The following EML6 variants were observed in gnomAD, a reference collection of about 807,000 sequenced individuals.
EML6 encodes the protein EMAP like 6, also known as echinoderm microtubule-associated protein-like 6.
A neutral mutation model predicts 240.1 loss-of-function variants in EML6; 154 were observed. That is an observed-to-expected ratio of 0.64 (90% CI 0.56 to 0.73). The LOEUF is 0.73. Among genes scored for constraint, EML6 ranks in the 30% least tolerant of loss-of-function variants. The pLI, the probability that EML6 is intolerant of heterozygous loss-of-function variation, is 0.00. For synonymous variants in EML6, 1,148 were observed against 899.0 expected (o/e 1.28, Z -4.95); for missense variants, 2,964 against 2,474.6 (o/e 1.20, Z -4.20).
At chr2:54,918,580 C>T (rs573274812) in intron 26 of EML6, among the ~76,000 whole-genome samples, 7 of 152,234 alleles carry the variant, frequency 4.6e-5, no homozygotes, top group African/African-American at 1.7e-4. Context: ...CTCTTGGACT[C>T]AAACAATCCT....
In EML6 at chr2:54,871,523, T is replaced by A. The variant is rs1283378301; in HGVS notation, c.2262T>A (p.His754Gln). Residue 754 changes from histidine to glutamine, a missense_variant, in exon 16 of 42, where the codon CAT becomes CAA. Physicochemically the swap from His to Gln is conservative, Grantham distance 24 (BLOSUM62 0). Transcript: ENST00000356458. Reference protein sequence around the residue: ...TGQVGRDAAIHVWDTQTLKCL... With the variant: ...TGQVGRDAAIQVWDTQTLKCL... ...AGGTTGGAAGAGATGCTGCTATTCA[T>A]GTGTGGGACACACAAACTCTAAAAT... 6.4e-7 allele frequency: 1 copy of A among 1,551,756 alleles called. No individual in the cohort carries two copies. Among genetic ancestry groups the A allele is most frequent in the Admixed American group, 2.0e-5 (1 of 51,016 alleles).
chr2:54,969,145 G>A (rs142728895), intron 41 of EML6, among the ~76,000 whole-genome samples: 1 of 152,212 alleles, frequency 6.6e-6, no homozygotes, highest in African/African-American at 2.4e-5. Context: ...TCATCTATAT[G>A]TCCTTTTAAG....
intron 26 of EML6, among the ~76,000 whole-genome samples, chr2:54,917,373 T>TTTTTTTTTTG (rs1558684013): frequency 6.2e-5 from 9 of 145,096 alleles, no homozygotes; most frequent in Non-Finnish European, 7.6e-5. Context: ...TTTTTTTTTT[T>TTTTTTTTTTG]TTGTTTTTTG....
intron 28 of EML6, among the ~76,000 whole-genome samples, chr2:54,929,207 G>C (rs1387504674): frequency 6.6e-6 from 1 of 152,186 alleles, no homozygotes; most frequent in African/African-American, 2.4e-5. Flanking sequence ...TTCACTTGGT[G>C]TATCTTCTCT....
At chr2:54,749,381 T>A (rs1468968125) in intron 2 of EML6, among the ~76,000 whole-genome samples, 1 of 152,132 alleles carries the variant, frequency 6.6e-6, no homozygotes, top group East Asian at 1.9e-4. Flanking sequence ...TTCAAATATC[T>A]TGGGCTTGAT....
intron 2 of EML6, among the ~76,000 whole-genome samples, chr2:54,729,800 G>C (rs1683074662): frequency 6.6e-6 from 1 of 152,196 alleles, no homozygotes; most frequent in Non-Finnish European, 1.5e-5. Context: ...AAGAATATTT[G>C]AAGTAGATCA....
In EML6 at chr2:54,892,427, G is replaced by C. The variant is rs761563111; in HGVS notation, c.2540-27G>C. 6.6e-6 allele frequency: 10 copies of C among 1,504,918 alleles called. No individual in the cohort carries two copies. The South Asian group carries it at 1.1e-4, about 16-fold the overall frequency. The allele number at this position is 1,504,918 out of a possible 1,614,324, so 93.2% of individuals were successfully genotyped here. Reference sequence around the variant, plus strand: ...TATAGGAAGTGCCAGATTTTATAAAGTAATAACTGTTCTTGGTCCACTCTA... The same window carrying C: ...TATAGGAAGTGCCAGATTTTATAAACTAATAACTGTTCTTGGTCCACTCTA... On this transcript the variant is annotated intron_variant, in intron 18 of 41. Transcript: ENST00000356458.
chr2:54,898,462 G>A (rs1249116198), intron 21 of EML6, among the ~76,000 whole-genome samples: 2 of 152,098 alleles, frequency 1.3e-5, no homozygotes, highest in Non-Finnish European at 2.9e-5. Flanking sequence ...GGGCTGGGAG[G>A]CTTCCAAAGA....
intron 2 of EML6, among the ~76,000 whole-genome samples, chr2:54,754,492 G>T (rs1023177285): frequency 4.6e-5 from 7 of 152,084 alleles, no homozygotes; most frequent in Non-Finnish European, 8.8e-5. Flanking sequence ...TTTGTGAAGT[G>T]CCTCTTCAGG....
At position 54,769,111 on chromosome 2, in the gene EML6, C is replaced by T. The variant is rs568579697; in HGVS notation, c.197+43853C>T. The stretch of plus-strand genomic sequence containing the variant: ...ATGTACAGATAAGCTGGTTGAGATA[C>T]CCGAATCTGACAGGACATTTAAAAT... On this transcript the variant is annotated intron_variant, in intron 2 of 41. Coordinates refer to ENST00000356458, the MANE Select transcript of EML6 (RefSeq NM_001039753.4). Among the ~76,000 whole-genome samples the T allele has an allele frequency of 2.2e-4, 34 of 152,254 alleles. No homozygotes were observed. The South Asian group carries it at 6.2e-3, about 28-fold the overall frequency.
At chr2:54,820,710 T>C (rs1668293657) in intron 5 of EML6, among the ~76,000 whole-genome samples, 2 of 152,208 alleles carry the variant, frequency 1.3e-5, no homozygotes, top group Admixed American at 6.5e-5. Context: ...TTTATGTTAA[T>C]TAAATATCGA....
At chr2:54,856,355 G>A (rs1469151827) in intron 11 of EML6, among the ~76,000 whole-genome samples, 1 of 152,166 alleles carries the variant, frequency 6.6e-6, no homozygotes, top group Non-Finnish European at 1.5e-5. Context: ...TCCAATGGGA[G>A]ACTCAGAGGC....
chr2:54,938,143 C>T lies in EML6; in HGVS notation c.4004+9392C>T, dbSNP rs536733405. On this transcript the variant is annotated intron_variant, in intron 28 of 41. Coordinates refer to ENST00000356458, the MANE Select transcript of EML6 (RefSeq NM_001039753.4). Reference sequence around the variant, plus strand: ...GGCAGATCACCTGAGGTCAGGAGTTCGAGACCAGCCTGGCCAACATGGCAA... The same window carrying T: ...GGCAGATCACCTGAGGTCAGGAGTTTGAGACCAGCCTGGCCAACATGGCAA... 3.9e-5 allele frequency among the ~76,000 whole-genome samples: 6 copies of T among 152,220 alleles called. 1 individual carries two copies. The South Asian group carries it at 6.2e-4, about 16-fold the overall frequency.
At chr2:54,911,147 A>G (rs552634278) in intron 25 of EML6, 105 bp downstream of exon 25, 10 of 580,130 alleles carry the variant, frequency 1.7e-5, no homozygotes, top group South Asian at 8.6e-5. Flanking sequence ...TATATTTACT[A>G]TACCTTTAAG....
chr2:54,748,932 T>A (rs1005191277), intron 2 of EML6, among the ~76,000 whole-genome samples: 3 of 152,170 alleles, frequency 2.0e-5, no homozygotes, highest in Non-Finnish European at 4.4e-5. Flanking sequence ...TCGATGGACA[T>A]TTAGATTGTT....
At chr2:54,819,484 G>A (rs546144014) in intron 4 of EML6, among the ~76,000 whole-genome samples, 1 of 152,252 alleles carries the variant, frequency 6.6e-6, no homozygotes, top group East Asian at 1.9e-4. Flanking sequence ...TCTTGTTAAA[G>A]AATGACAAAT....
chr2:54,827,129 C>A (rs577295185), intron 5 of EML6, among the ~76,000 whole-genome samples: 2 of 152,144 alleles, frequency 1.3e-5, no homozygotes, highest in Middle Eastern at 3.2e-3. Context: ...GCTGAGATGG[C>A]GCCATTGCAT....
At chr2:54,968,104 T>A in intron 39 of EML6, 24 bp from the exon 40 acceptor site, 5 of 1,549,962 alleles carry the variant, frequency 3.2e-6, no homozygotes, top group Non-Finnish European at 4.4e-6. Context: ...CCTTCTATCC[T>A]AACCCCTCTT....
chr2:54,950,870 T>C, intron 30 of EML6, 91 bp downstream of exon 30: 2 of 1,363,252 alleles, frequency 1.5e-6, no homozygotes, highest in South Asian at 2.9e-5. Flanking sequence ...TTAAGCATTT[T>C]CCTTCCCTTA....
Sources: gnomAD v4.1 joint callset for allele counts (sites outside exome capture counted in the v4.1 genomes callset) on GRCh38, gnomAD v4.1.1 for gene constraint, MANE v1.5 for transcripts, NCBI Gene and HGNC (gene_info 2026-07-23, HGNC 2026-07-21) for gene names.